RGS6: variants seen among roughly 807,000 people sequenced by gnomAD.
RGS6 encodes the protein regulator of G-protein signaling 6.
RGS6 carries 30 observed loss-of-function variants against 78.5 expected under a neutral mutation model. The observed-to-expected ratio is 0.38, with a 90% CI of 0.29 to 0.52. The LOEUF (loss-of-function observed/expected upper bound fraction) is 0.52, where lower values mean the gene tolerates loss of function less well. RGS6 is among the 20% of genes least tolerant of loss of function. RGS6 has a pLI of 0.85. For missense variants in RGS6, 495 were observed against 609.7 expected (o/e 0.81, Z 1.98); for synonymous variants, 206 against 206.0 (o/e 1.00, Z 0.00).
intron 17 of RGS6, among the ~76,000 whole-genome samples, chr14:72,556,430 A>G (rs75619422): frequency 0.018 from 2,689 of 152,230 alleles, 84 homozygotes; most frequent in African/African-American, 0.061. Context: ...CTCTCAACAC[A>G]TGGGGATTAT....
At chr14:72,324,437 ATGT>A (rs1210809030) in intron 2 of RGS6, among the ~76,000 whole-genome samples, 2 of 152,076 alleles carry the variant, frequency 1.3e-5, no homozygotes, top group Non-Finnish European at 2.9e-5. Flanking sequence ...TACATGTGCC[ATGT>A]TGGTGTGCTG....
At chr14:72,471,679 C>T (rs2153317028) in intron 8 of RGS6, among the ~76,000 whole-genome samples, 1 of 152,338 alleles carries the variant, frequency 6.6e-6, no homozygotes, top group South Asian at 2.1e-4. Flanking sequence ...CCCACAGTCT[C>T]TGCCTTTCTC....
At chr14:72,328,892 A>G (rs1166011574) in intron 2 of RGS6, among the ~76,000 whole-genome samples, 1 of 152,164 alleles carries the variant, frequency 6.6e-6, no homozygotes, top group Non-Finnish European at 1.5e-5. Flanking sequence ...ATTTTTTGAG[A>G]CAGAGTTTCA....
intron 2 of RGS6, among the ~76,000 whole-genome samples, chr14:72,276,594 A>G (rs1032841539): frequency 2.6e-5 from 4 of 152,220 alleles, no homozygotes; most frequent in East Asian, 1.9e-4. Flanking sequence ...GGTGGGAGAT[A>G]ATTGAATCAT....
At chr14:72,245,501 G>A (rs563770644) in intron 2 of RGS6, among the ~76,000 whole-genome samples, 5 of 152,358 alleles carry the variant, frequency 3.3e-5, no homozygotes, top group Admixed American at 6.5e-5. Context: ...GCAGGATCAC[G>A]CCCTTAAGAC....
the RGS6 span, among the ~76,000 whole-genome samples, chr14:72,599,721 G>A: frequency 6.6e-6 from 1 of 151,836 alleles, no homozygotes; most frequent in Non-Finnish European, 1.5e-5. Context: ...ACCGCGCCTG[G>A]CCAGAGTCTG....
intron 17 of RGS6, among the ~76,000 whole-genome samples, chr14:72,551,238 G>A (rs2097502488): frequency 6.6e-6 from 1 of 152,128 alleles, no homozygotes; most frequent in African/African-American, 2.4e-5. Flanking sequence ...CCACCCTTCA[G>A]CAGGTTCATC....
chr14:72,095,846 G>T (rs1597470294), intron 2 of RGS6, among the ~76,000 whole-genome samples: 2 of 152,224 alleles, frequency 1.3e-5, no homozygotes, highest in South Asian at 4.1e-4. Flanking sequence ...AAATGCTGGT[G>T]CATTGTCTAC....
intron 12 of RGS6, among the ~76,000 whole-genome samples, chr14:72,489,155 G>GCCCCCCCCCC (rs1443927486): frequency 8.6e-5 from 10 of 116,402 alleles, no homozygotes; most frequent in Non-Finnish European, 1.1e-4. Context: ...GGACAAAGGG[G>GCCCCCCCCCC]GCCCCCCCAC....
intron 2 of RGS6, among the ~76,000 whole-genome samples, chr14:72,291,153 C>T (rs1407206140): frequency 6.6e-6 from 1 of 151,976 alleles, no homozygotes; most frequent in African/African-American, 2.4e-5. Flanking sequence ...AGGCTATTAA[C>T]TTCAAGCCCT....
chr14:72,412,941 T>C (rs1260319551), intron 3 of RGS6, among the ~76,000 whole-genome samples: 1 of 152,152 alleles, frequency 6.6e-6, no homozygotes, highest in Non-Finnish European at 1.5e-5. Flanking sequence ...GACAGTTTGT[T>C]ATAATTTCTA....
rs571316021 is a variant in RGS6 at position 72,214,909 on chromosome 14, T to C, written c.85-137186T>C. 8.5e-5 allele frequency among the ~76,000 whole-genome samples: 13 copies of C among 152,350 alleles called. No homozygotes were observed. In the East Asian group the frequency reaches 2.5e-3, roughly 29 times the overall value. On this transcript the variant is annotated intron_variant, in intron 2 of 17. Transcript: ENST00000553525. The stretch of plus-strand genomic sequence containing the variant: ...GAGAAATTATTCTCATTTCTTAATA[T>C]AAATAAGAAAAATGAGATTTGAAGA...
intron 2 of RGS6, among the ~76,000 whole-genome samples, chr14:72,294,884 T>G (rs1010973633): frequency 6.6e-6 from 1 of 152,106 alleles, no homozygotes; most frequent in African/African-American, 2.4e-5. Flanking sequence ...AAAATGAGAT[T>G]TGGGTGGGGA....
chr14:71,959,822 A>C (rs144178539), intron 1 of RGS6, among the ~76,000 whole-genome samples: 20 of 152,268 alleles, frequency 1.3e-4, no homozygotes, highest in African/African-American at 4.6e-4. Flanking sequence ...GGGCATTTCC[A>C]TGACTTAGTG....
intron 2 of RGS6, among the ~76,000 whole-genome samples, chr14:72,306,068 T>C (rs912608877): frequency 6.6e-5 from 10 of 152,222 alleles, no homozygotes; most frequent in African/African-American, 2.4e-4. Context: ...TAGGGGATAG[T>C]GCAGCTGGTG....
the RGS6 span, among the ~76,000 whole-genome samples, chr14:71,920,629 G>A: frequency 1.1e-5 from 1 of 93,990 alleles, no homozygotes; most frequent in Non-Finnish European, 2.4e-5. Flanking sequence ...ATGCGCACAC[G>A]CGCGTGCACA....
intron 3 of RGS6, among the ~76,000 whole-genome samples, chr14:72,417,491 C>T (rs774537901): frequency 2.0e-5 from 3 of 151,876 alleles, no homozygotes; most frequent in Admixed American, 2.0e-4. Flanking sequence ...TTTTTTTTTC[C>T]CCCAGATAGT....
chr14:72,395,689 C>G (rs573695362), intron 3 of RGS6, among the ~76,000 whole-genome samples: 3 of 152,166 alleles, frequency 2.0e-5, no homozygotes, highest in Admixed American at 6.5e-5. Flanking sequence ...CCCTTCCCCC[C>G]ACCCCACAAC....
chr14:71,937,314 G>A (rs1008961146), intron 1 of RGS6, among the ~76,000 whole-genome samples: 1 of 152,176 alleles, frequency 6.6e-6, no homozygotes, highest in African/African-American at 2.4e-5. Flanking sequence ...CCAGCAGAAG[G>A]TAATGTCTTG....
Sources: gnomAD v4.1 joint callset for allele counts (sites outside exome capture counted in the v4.1 genomes callset) on GRCh38, gnomAD v4.1.1 for gene constraint, MANE v1.5 for transcripts, NCBI Gene and HGNC (gene_info 2026-07-23, HGNC 2026-07-21) for gene names.